Variants in C8orf76 observed in about 807,000 individuals in gnomAD.
The protein encoded by C8orf76 is chromosome 8 open reading frame 76.
A neutral mutation model predicts 38.1 loss-of-function variants in C8orf76; 46 were observed. That is an observed-to-expected ratio of 1.21 (90% CI 0.95 to 1.54). The LOEUF (loss-of-function observed/expected upper bound fraction) is 1.54. C8orf76 is among the 40% of genes most tolerant of loss of function. The pLI is 0.00. For synonymous variants in C8orf76, 166 were observed against 167.5 expected (o/e 0.99, Z 0.07); for missense variants, 461 against 441.6 (o/e 1.04, Z -0.39).
chr8:123,220,021 G>C lies in C8orf76; in HGVS notation c.*82C>G. On this transcript the variant is annotated 3_prime_UTR_variant, in exon 6 of 6. Transcript: ENST00000276704. ...ACATAAATAATCATTTATACTCCAT[G>C]ATTAGCAATGGATCCTGTCTGAAGT... 1 of 775,466 alleles carries C rather than the reference G, an allele frequency of 1.3e-6. No individual in the cohort carries two copies. The allele number at this position is 775,466 out of a possible 1,614,324, so 48.0% of individuals were successfully genotyped here.
At chr8:123,240,409 G>C (rs1825640784) in intron 1 of C8orf76, among the ~76,000 whole-genome samples, 1 of 152,238 alleles carries the variant, frequency 6.6e-6, no homozygotes, top group Admixed American at 6.5e-5. Flanking sequence ...CAATTGTGAG[G>C]AACGAATGAG....
intron 5 of C8orf76, 161 bp downstream of exon 5, chr8:123,226,339 G>A (rs1416438969): frequency 2.0e-6 from 3 of 1,467,224 alleles, no homozygotes; most frequent in African/African-American, 1.4e-5. Flanking sequence ...TGCCGATCAA[G>A]AGGCCGCCTT....
chr8:123,231,047 C>T (rs1825245142), intron 4 of C8orf76, among the ~76,000 whole-genome samples: 1 of 152,352 alleles, frequency 6.6e-6, no homozygotes, highest in East Asian at 1.9e-4. Flanking sequence ...ATCCACCTGC[C>T]TCAGCCTCCC....
intron 5 of C8orf76, among the ~76,000 whole-genome samples, chr8:123,225,423 G>C (rs777498428): frequency 1.4e-4 from 22 of 152,200 alleles, no homozygotes; most frequent in Non-Finnish European, 2.1e-4. Flanking sequence ...TGAGACTAGA[G>C]ATAAAGACTG....
intron 3 of C8orf76, among the ~76,000 whole-genome samples, chr8:123,233,667 C>T (rs1219260327): frequency 2.6e-5 from 4 of 151,904 alleles, no homozygotes; most frequent in Admixed American, 6.6e-5. Context: ...GGAATACAGG[C>T]ATGAGCCACT....
At chr8:123,236,471 A>G (rs1313693816) in intron 3 of C8orf76, among the ~76,000 whole-genome samples, 1 of 152,202 alleles carries the variant, frequency 6.6e-6, no homozygotes, top group African/African-American at 2.4e-5. Context: ...GAATGTGTGG[A>G]AAAAGGCAAT....
At chr8:123,226,221 T>C in intron 5 of C8orf76, 4 of 1,285,512 alleles carry the variant, frequency 3.1e-6, no homozygotes, top group Non-Finnish European at 2.9e-6. Flanking sequence ...TATTCAGCAC[T>C]GAAACAAACA....
chr8:123,231,693 G>A lies in C8orf76; in HGVS notation c.422C>T (p.Ser141Leu). 1 of 1,613,564 alleles carries A rather than the reference G, an allele frequency of 6.2e-7. No homozygotes were observed. Among genetic ancestry groups the A allele is most frequent in the Non-Finnish European group, 8.5e-7 (1 of 1,179,996 alleles). The change falls in exon 4 of 6, where the codon TCA (serine) becomes TTA (leucine). Residue 141 changes from serine to leucine, a missense_variant. Coordinates refer to ENST00000276704, the MANE Select transcript of C8orf76 (RefSeq NM_032847.3). Reference protein sequence around the residue: ...TVLYLQLAICSSLQNLEKTIF... With the variant: ...TVLYLQLAICLSLQNLEKTIF... ...TGTTTTCTCCAAGTTCTGCAAACTT[G>A]AACAAATAGCAAGCTGGAGGTAGAG...
At position 123,237,919 on chromosome 8, in the gene C8orf76, C is replaced by T; in HGVS notation, c.236G>A (p.Ser79Asn). The change falls in exon 3 of 6, where the codon AGT (serine) becomes AAT (asparagine). Residue 79 changes from serine to asparagine, a missense_variant. Transcript: ENST00000276704. ...GGTTGATGACAATTTTTCAGAGATA[C>T]TGGAATACTCCTGCAGTGCTTTCTG... ...EYQKALQEYS[S>N]ISEKLSSTNF... The T allele has an allele frequency of 1.2e-6, 2 of 1,613,656 alleles. No homozygotes were observed. The highest frequency in any genetic ancestry group is 1.3e-5 in the African/African-American group (1 of 74,946).
intron 3 of C8orf76, among the ~76,000 whole-genome samples, chr8:123,235,872 C>G (rs984988790): frequency 6.6e-6 from 1 of 152,112 alleles, no homozygotes; most frequent in African/African-American, 2.4e-5. Flanking sequence ...AAACGCCGAG[C>G]GAGCAGGACA....
intron 4 of C8orf76, among the ~76,000 whole-genome samples, chr8:123,228,735 G>T (rs1356688160): frequency 1.3e-5 from 2 of 152,034 alleles, no homozygotes; most frequent in African/African-American, 4.8e-5. Context: ...CCAAACCCTT[G>T]TGACACCAAA....
chr8:123,226,034 A>G (rs1199878895), intron 5 of C8orf76, among the ~76,000 whole-genome samples: 1 of 152,186 alleles, frequency 6.6e-6, no homozygotes, highest in Non-Finnish European at 1.5e-5. Context: ...AATAAAATGG[A>G]CTTGCAGCTG....
chr8:123,233,463 C>A (rs1480459847), intron 3 of C8orf76, among the ~76,000 whole-genome samples: 1 of 152,002 alleles, frequency 6.6e-6, no homozygotes, highest in Non-Finnish European at 1.5e-5. Context: ...GGCGTGATCT[C>A]GACTCACTGC....
chr8:123,236,230 A>C (rs1825471791), intron 3 of C8orf76, among the ~76,000 whole-genome samples: 1 of 152,238 alleles, frequency 6.6e-6, no homozygotes, highest in African/African-American at 2.4e-5. Context: ...TTGTGTGCAT[A>C]CGTTAGGCTG....
chr8:123,220,054 G>C lies in C8orf76; in HGVS notation c.*49C>G. 1 of 1,096,732 alleles carries C rather than the reference G, an allele frequency of 9.1e-7. No homozygotes were observed. Among genetic ancestry groups the C allele is most frequent in the Non-Finnish European group, 1.3e-6 (1 of 779,216 alleles). 67.9% of individuals were successfully genotyped at this position (1,096,732 alleles called of 1,614,324 possible). On this transcript the variant is annotated 3_prime_UTR_variant, in exon 6 of 6. Coordinates refer to ENST00000276704, the MANE Select transcript of C8orf76 (RefSeq NM_032847.3). ...ATGGATCCTGTCTGAAGTAAACAAGGACAATTAATACAGTACAAGATATTT... is the reference window on the plus strand; with the variant it reads ...ATGGATCCTGTCTGAAGTAAACAAGCACAATTAATACAGTACAAGATATTT...
At chr8:123,236,196 A>G (rs1398610904) in intron 3 of C8orf76, among the ~76,000 whole-genome samples, 1 of 152,194 alleles carries the variant, frequency 6.6e-6, no homozygotes, top group African/African-American at 2.4e-5. Context: ...CTCTTAGTTA[A>G]TGAGATGGCA....
chr8:123,236,721 T>C (rs1469714582), intron 3 of C8orf76: 1 of 383,650 alleles, frequency 2.6e-6, no homozygotes, highest in Non-Finnish European at 4.9e-6. Flanking sequence ...GAGGCGGAGG[T>C]TGCGGCAAGC....
chr8:123,225,990 T>G (rs1825031451), intron 5 of C8orf76, among the ~76,000 whole-genome samples: 1 of 151,920 alleles, frequency 6.6e-6, no homozygotes, highest in Non-Finnish European at 1.5e-5. Context: ...TGAATTTCTA[T>G]GCAACCATCA....
chr8:123,229,710 G>A (rs1408097874), intron 4 of C8orf76, among the ~76,000 whole-genome samples: 1 of 152,168 alleles, frequency 6.6e-6, no homozygotes, highest in East Asian at 1.9e-4. Context: ...AGCATCCACT[G>A]AATACATTTT....
Sources: allele counts gnomAD v4.1 joint callset (sites outside exome capture counted in the v4.1 genomes callset), GRCh38; gene constraint gnomAD v4.1.1; transcripts MANE v1.5; gene names NCBI Gene and HGNC (gene_info 2026-07-23, HGNC 2026-07-21).